The following PIH1D2 variants were observed in gnomAD, a reference collection of about 807,000 sequenced individuals.
PIH1D2 encodes PIH1 domain-containing protein 2.
Under a neutral mutation model 31.2 loss-of-function variants are expected in PIH1D2, and 25 were observed. The ratio of observed to expected loss-of-function variants is 0.80; its 90% CI spans 0.58 to 1.12. PIH1D2 has a LOEUF of 1.12. Ranked by LOEUF, PIH1D2 falls within the 50% of genes most tolerant of loss-of-function variation. PIH1D2 has a pLI of 0.00. For synonymous variants in PIH1D2, 116 were observed against 119.9 expected (o/e 0.97, Z 0.21); for missense variants, 310 against 356.6 (o/e 0.87, Z 1.05).
chr11:112,061,725 C>T (rs191149587), downstream of PIH1D2, among the ~76,000 whole-genome samples: 1,034 of 152,234 alleles, frequency 6.8e-3, 9 homozygotes, highest in Middle Eastern at 0.01. Context: ...GCTGGGATTA[C>T]AGGCATGTAC....
the PIH1D2 span, among the ~76,000 whole-genome samples, chr11:112,056,497 C>T: frequency 1.2e-4 from 19 of 152,248 alleles, no homozygotes; most frequent in South Asian, 6.2e-4. Flanking sequence ...GAGACTCATC[C>T]ATGTTGTAGC....
rs1555184915 is a variant in PIH1D2, at chr11:112,072,737, A to G, written c.177+261T>C. The G allele has an allele frequency of 3.5e-5, 10 of 288,896 alleles. No individual in the cohort carries two copies. The South Asian group carries it at 5.2e-4, about 15-fold the overall frequency. The allele number at this position is 288,896 out of a possible 1,614,324, so 17.9% of individuals were successfully genotyped here. A position where few individuals can be genotyped will look rare whatever the true frequency, so the allele number is the denominator to read the frequency against. ...AAATTAGCCGGGCATGGTAGTACACACCTGTAATCCCAGCTACTTGGGAGG... is the reference window on the plus strand; with the variant it reads ...AAATTAGCCGGGCATGGTAGTACACGCCTGTAATCCCAGCTACTTGGGAGG... On this transcript the variant is annotated intron_variant, in intron 2 of 5. Transcript: ENST00000280350.
At position 112,067,851 on chromosome 11, in the gene PIH1D2, A is replaced by G. The variant is rs1555184032; in HGVS notation, c.*20T>C. The G allele has an allele frequency of 1.9e-6, 3 of 1,611,224 alleles. No individual in the cohort carries two copies. Among genetic ancestry groups the G allele is most frequent in the African/African-American group, 1.3e-5 (1 of 74,536 alleles). The stretch of plus-strand genomic sequence containing the variant: ...ACATGACTTTAGCACTGAAAACCCA[A>G]AACATATGATGCTCTTCTTTCACAC... On this transcript the variant is annotated 3_prime_UTR_variant, in exon 6 of 6. Transcript: ENST00000280350.
chr11:112,052,853 C>G, the PIH1D2 span, among the ~76,000 whole-genome samples: 1 of 151,960 alleles, frequency 6.6e-6, no homozygotes, highest in African/African-American at 2.4e-5. Flanking sequence ...GGCGCCATCC[C>G]GAGGTTACTT....
chr11:112,060,133 T>A, downstream of PIH1D2: 1 of 1,419,954 alleles, frequency 7.0e-7, no homozygotes, highest in Non-Finnish European at 9.8e-7. Flanking sequence ...TTATTGCATT[T>A]TTCACCTTTT....
At chr11:112,058,142 T>G in the PIH1D2 span, among the ~76,000 whole-genome samples, 1 of 152,238 alleles carries the variant, frequency 6.6e-6, no homozygotes, top group African/African-American at 2.4e-5. Context: ...ATTTACTTGT[T>G]CATACACCCA....
chr11:112,053,331 A>G, the PIH1D2 span, among the ~76,000 whole-genome samples: 2 of 152,022 alleles, frequency 1.3e-5, no homozygotes, highest in Non-Finnish European at 2.9e-5. Context: ...TCAAAAAAAT[A>G]TTTTCCTAAT....
chr11:112,072,732 TACA>T (rs1865168716), intron 2 of PIH1D2: 1 of 279,546 alleles, frequency 3.6e-6, no homozygotes, highest in African/African-American at 2.2e-5. Flanking sequence ...GGCATGGTAG[TACA>T]CACCTGTAAT....
Position 112,073,036 on chromosome 11 carries a change from C to T in PIH1D2, c.139G>A (p.Ala47Thr), listed in dbSNP as rs533486700. 1.1e-5 allele frequency: 18 copies of T among 1,613,864 alleles called. No homozygotes were observed. The African/African-American group carries it at 2.3e-4, about 20-fold the overall frequency. The change falls in exon 2 of 6, where the codon GCC becomes ACC. Residue 47 changes from alanine (A) to threonine (T), a missense_variant. Transcript: ENST00000280350. ...QLKEGKQLCA[A>T]PEPQLCLQTR... ...TGTAGACAAAGCTGTGGTTCTGGGG[C>T]AGCACAGAGCTGTTTCCCTTCTTTC...
In PIH1D2 at chr11:112,068,002, C is replaced by G; in HGVS notation, c.817G>C (p.Asp273His). The change falls in exon 6 of 6, where the codon GAT becomes CAT. Residue 273 changes from aspartate to histidine, a missense_variant. By Grantham distance (81) the Asp-to-His change is moderately conservative. Coordinates refer to ENST00000280350, the MANE Select transcript of PIH1D2 (RefSeq NM_138789.4). Reference sequence around the variant, plus strand: ...TTCTCAGATACTTCAATCAATAAATCATCCTAAGAATAATAAACCAAGAGA... The same window carrying G: ...TTCTCAGATACTTCAATCAATAAATGATCCTAAGAATAATAAACCAAGAGA... The part of the protein sequence containing the change: ...SLCDLSVSED[D>H]LLIEVSEKYR... The G allele has an allele frequency of 6.4e-7, 1 of 1,560,762 alleles. No homozygotes were observed. Among genetic ancestry groups the G allele is most frequent in the South Asian group, 1.1e-5 (1 of 87,048 alleles).
chr11:112,059,790 AAC>A, downstream of PIH1D2: 4 of 842,150 alleles, frequency 4.7e-6, no homozygotes, highest in South Asian at 5.5e-5. Context: ...GCTGAACAAT[AAC>A]ACACATTGGT....
intron 2 of PIH1D2, 50 bp downstream of exon 2, chr11:112,072,948 G>C: frequency 6.7e-7 from 1 of 1,491,896 alleles, no homozygotes. Context: ...TGGTTATTCT[G>C]GGATCATTTC....
At chr11:112,062,404 A>G, downstream of PIH1D2, 2 of 1,612,284 alleles carry the variant, frequency 1.2e-6, no homozygotes, top group Non-Finnish European at 1.7e-6. Context: ...ATCTTTTTCT[A>G]GGTTTGATGT....
At chr11:112,070,744 A>C in intron 4 of PIH1D2, 43 bp from the exon 5 acceptor site, 1 of 1,576,294 alleles carries the variant, frequency 6.3e-7, no homozygotes, top group Middle Eastern at 1.7e-4. Context: ...AAATAAATCT[A>C]CAACATAAAA....
chr11:112,071,758 T>G lies in PIH1D2; in HGVS notation c.178A>C (p.Lys60Gln). The change falls in exon 3 of 6, where the codon AAA becomes CAA. Residue 60 changes from lysine to glutamine, a missense_variant and splice_region_variant. By Grantham distance (53) the Lys-to-Gln change is moderately conservative. Transcript: ENST00000280350. ...PQLCLQTRILKPKEKILFINL... is the reference protein window; with the variant it reads ...PQLCLQTRILQPKEKILFINL... ...ATAAAAAGTATTTTTTCTTTTGGTTTCTGGAAAGCAAATAATTTTGCACAT... is the reference window on the plus strand; with the variant it reads ...ATAAAAAGTATTTTTTCTTTTGGTTGCTGGAAAGCAAATAATTTTGCACAT... The G allele has an allele frequency of 1.2e-6, 2 of 1,614,104 alleles. No homozygotes were observed. The highest frequency in any genetic ancestry group is 1.7e-6 in the Non-Finnish European group (2 of 1,179,958).
chr11:112,063,332 A>G (rs1040504940), downstream of PIH1D2: 1 of 152,328 alleles, frequency 6.6e-6, no homozygotes, highest in Admixed American at 6.5e-5. Context: ...TGAAACTAAA[A>G]TTTTCTAAGA....
At chr11:112,054,279 C>T in the PIH1D2 span, among the ~76,000 whole-genome samples, 1 of 151,908 alleles carries the variant, frequency 6.6e-6, no homozygotes, top group African/African-American at 2.4e-5. Context: ...TTGCACGCGC[C>T]ACTGCACTCC....
chr11:112,060,916 C>G, downstream of PIH1D2: 2 of 777,630 alleles, frequency 2.6e-6, no homozygotes. Context: ...AATGTGTATT[C>G]CATTCAGGCC....
At chr11:112,069,681 G>A (rs1865050378) in intron 5 of PIH1D2, 1 of 152,166 alleles carries the variant, frequency 6.6e-6, no homozygotes, top group African/African-American at 2.4e-5. Context: ...GAACTGGGGA[G>A]CTAGGTAATT....
Sources: allele counts gnomAD v4.1 joint callset (sites outside exome capture counted in the v4.1 genomes callset), GRCh38; gene constraint gnomAD v4.1.1; transcripts MANE v1.5; gene names NCBI Gene and HGNC (gene_info 2026-07-23, HGNC 2026-07-21).